The following PTPRK variants were observed in gnomAD, a reference collection of about 807,000 sequenced individuals.
The protein encoded by PTPRK is protein tyrosine phosphatase receptor type K.
PTPRK carries 75 observed loss-of-function variants against 178.0 expected under a neutral mutation model. That is an observed-to-expected ratio of 0.42 (90% CI 0.35 to 0.51). PTPRK has a LOEUF of 0.51. PTPRK is among the 20% of genes least tolerant of loss of function. The pLI, the probability that PTPRK is intolerant of heterozygous loss-of-function variation, is 0.02. For synonymous variants in PTPRK, 637 were observed against 620.6 expected (o/e 1.03, Z -0.39); for missense variants, 1,441 against 1,797.8 (o/e 0.80, Z 3.59).
At chr6:128,278,800 T>C (rs1470775512) in intron 3 of PTPRK, among the ~76,000 whole-genome samples, 1 of 152,160 alleles carries the variant, frequency 6.6e-6, no homozygotes, top group African/African-American at 2.4e-5. Flanking sequence ...AAAAAATTCT[T>C]AACAGGCTAT....
chr6:128,283,897 AC>A (rs1041882343), intron 3 of PTPRK, among the ~76,000 whole-genome samples: 45 of 152,294 alleles, frequency 3.0e-4, no homozygotes, highest in African/African-American at 1.0e-3. Context: ...CTAGACTACC[AC>A]AATGACCCAC....
At chr6:128,358,818 C>T (rs1834312420) in intron 2 of PTPRK, among the ~76,000 whole-genome samples, 2 of 152,182 alleles carry the variant, frequency 1.3e-5, no homozygotes, top group African/African-American at 4.8e-5. Context: ...GAAAGGCTTG[C>T]TTCAATTTTT....
intron 5 of PTPRK, 110 bp from the exon 6 acceptor site, chr6:128,219,206 A>G (rs1809931829): frequency 9.5e-7 from 1 of 1,049,368 alleles, no homozygotes; most frequent in Non-Finnish European, 1.3e-6. Flanking sequence ...CAAAAGAGCC[A>G]CAATTTTTTT....
At chr6:128,431,601 T>C (rs984351086) in intron 1 of PTPRK, among the ~76,000 whole-genome samples, 1 of 152,246 alleles carries the variant, frequency 6.6e-6, no homozygotes, top group Admixed American at 6.5e-5. Flanking sequence ...AGCCTCATTA[T>C]GAACTGAAAA....
At chr6:128,457,016 G>T (rs1227939778) in intron 1 of PTPRK, among the ~76,000 whole-genome samples, 1 of 152,078 alleles carries the variant, frequency 6.6e-6, no homozygotes. Flanking sequence ...GAAGTTAAAT[G>T]TAGGATCCTG....
intron 3 of PTPRK, among the ~76,000 whole-genome samples, chr6:128,298,175 A>C (rs1165681354): frequency 2.6e-5 from 4 of 152,116 alleles, no homozygotes; most frequent in Non-Finnish European, 4.4e-5. Context: ...AAAGACTAAA[A>C]CAGGAAGAAG....
At chr6:128,465,864 G>C (rs968416944) in intron 1 of PTPRK, among the ~76,000 whole-genome samples, 5 of 152,120 alleles carry the variant, frequency 3.3e-5, no homozygotes, top group Admixed American at 6.5e-5. Flanking sequence ...CCCCAGGAAG[G>C]CAAGAGGCAT....
chr6:128,113,194 A>G lies in PTPRK; in HGVS notation c.1163-23202T>C, dbSNP rs1790951951. On this transcript the variant is annotated intron_variant, in intron 7 of 29. Coordinates refer to ENST00000368226, the MANE Select transcript of PTPRK (RefSeq NM_002844.4). ...AAAATTCTCAGTATATTAGTTATAC[A>G]AAGACAGACACAAAATGTATCTATG... Among the ~76,000 whole-genome samples the G allele has an allele frequency of 3.3e-5, 5 of 152,148 alleles. 1 individual carries two copies. In the South Asian group the frequency reaches 1.0e-3, roughly 32 times the overall value.
intron 1 of PTPRK, among the ~76,000 whole-genome samples, chr6:128,462,984 C>T (rs867458383): frequency 3.3e-5 from 5 of 152,130 alleles, no homozygotes; most frequent in Middle Eastern, 3.4e-3. Flanking sequence ...TTAATTTCTT[C>T]GTTAAATATT....
In PTPRK at chr6:128,452,704, T is replaced by A. The variant is rs533271312; in HGVS notation, c.101-55016A>T. Among the ~76,000 whole-genome samples, 85 of 152,220 alleles carry A rather than the reference T, an allele frequency of 5.6e-4. No individual in the cohort carries two copies. The South Asian group carries it at 8.5e-3, about 15-fold the overall frequency. On this transcript the variant is annotated intron_variant, in intron 1 of 29. Transcript: ENST00000368226. ...CCAACACCAGGGAGGAACTGAAAAA[T>A]GAAAACAAGCACACTATAGAGATAT...
chr6:128,375,105 T>TTAC (rs59703364), intron 2 of PTPRK, among the ~76,000 whole-genome samples: 1 of 147,668 alleles, frequency 6.8e-6, no homozygotes, highest in Non-Finnish European at 1.5e-5. Context: ...ATTATTATTA[T>TTAC]CCTTTTCCCC....
chr6:128,041,479 C>A (rs1451093204), intron 13 of PTPRK, among the ~76,000 whole-genome samples: 1 of 151,986 alleles, frequency 6.6e-6, no homozygotes, highest in Non-Finnish European at 1.5e-5. Context: ...AAATGTGCTT[C>A]AATGAGGCCA....
At chr6:128,512,189 T>C (rs1006776792) in intron 1 of PTPRK, among the ~76,000 whole-genome samples, 1 of 152,210 alleles carries the variant, frequency 6.6e-6, no homozygotes, top group African/African-American at 2.4e-5. Context: ...ATTAAATCTT[T>C]CTTTAAACAT....
intron 29 of PTPRK, among the ~76,000 whole-genome samples, chr6:127,972,600 G>C (rs1583458562): frequency 2.0e-5 from 3 of 152,152 alleles, no homozygotes; most frequent in Admixed American, 1.3e-4. Context: ...GAAAATGAAT[G>C]AATAATTATA....
chr6:128,075,221 C>T (rs900911312), intron 11 of PTPRK, among the ~76,000 whole-genome samples: 11 of 152,010 alleles, frequency 7.2e-5, no homozygotes, highest in African/African-American at 2.7e-4. Context: ...GGGACTACTC[C>T]AGCCTTCTGG....
At chr6:128,054,556 T>C (rs1779585421) in intron 13 of PTPRK, among the ~76,000 whole-genome samples, 1 of 152,132 alleles carries the variant, frequency 6.6e-6, no homozygotes, top group Non-Finnish European at 1.5e-5. Context: ...TAATAGCCAA[T>C]AAATAGCAGA....
At chr6:128,358,537 G>A (rs967545077) in intron 2 of PTPRK, among the ~76,000 whole-genome samples, 1 of 152,212 alleles carries the variant, frequency 6.6e-6, no homozygotes, top group African/African-American at 2.4e-5. Flanking sequence ...GTGAAAAGAA[G>A]AATCTTGAGC....
intron 7 of PTPRK, among the ~76,000 whole-genome samples, chr6:128,092,820 C>A (rs1307589071): frequency 6.6e-6 from 1 of 152,120 alleles, no homozygotes; most frequent in African/African-American, 2.4e-5. Flanking sequence ...ACCTAACCAA[C>A]AACTGCATTG....
intron 1 of PTPRK, among the ~76,000 whole-genome samples, chr6:128,472,162 T>C (rs978969207): frequency 1.3e-5 from 2 of 152,088 alleles, no homozygotes; most frequent in Non-Finnish European, 2.9e-5. Flanking sequence ...TGAAATCAGG[T>C]GATTCTGCTG....
Sources: gnomAD v4.1 joint callset for allele counts (sites outside exome capture counted in the v4.1 genomes callset) on GRCh38, gnomAD v4.1.1 for gene constraint, MANE v1.5 for transcripts, NCBI Gene and HGNC (gene_info 2026-07-23, HGNC 2026-07-21) for gene names.